HSPA13: variants seen among roughly 807,000 people sequenced by gnomAD.
The protein encoded by HSPA13 is heat shock protein family A (Hsp70) member 13.
A neutral mutation model predicts 38.8 loss-of-function variants in HSPA13; 29 were observed. The ratio of observed to expected loss-of-function variants is 0.75; its 90% CI spans 0.56 to 1.02. HSPA13 has a LOEUF of 1.02. Ranked by LOEUF, HSPA13 falls within the 50% of genes least tolerant of loss-of-function variation. HSPA13 has a pLI of 0.00. For synonymous variants in HSPA13, 192 were observed against 205.3 expected, an observed-to-expected ratio of 0.94 and a Z score of 0.56; for missense variants, 451 against 560.9, an observed-to-expected ratio of 0.80 and a Z score of 1.98.
In HSPA13 at chr21:14,373,967, C is replaced by A; in HGVS notation, c.1066G>T (p.Glu356Ter). 6.2e-7 allele frequency: 1 copy of A among 1,614,188 alleles called. No homozygotes were observed. Among genetic ancestry groups the A allele is most frequent in the Non-Finnish European group, 8.5e-7 (1 of 1,180,038 alleles). The change falls in exon 5 of 5, where the codon GAA becomes TAA. Residue 356 changes from glutamate (E) to a stop codon, truncating the protein, a stop_gained. Transcript: ENST00000285667. LOFTEE classifies it high-confidence loss of function. The part of the protein sequence containing the change: ...GRGLSDKKSG[E>*]SQVLFETEIS... ...TCTGTTTCAAATAAAACCTGACTTTCTCCACTTTTCTTATCAGAAAGGCCA... is the reference window on the plus strand; with the variant it reads ...TCTGTTTCAAATAAAACCTGACTTTATCCACTTTTCTTATCAGAAAGGCCA...
At chr21:14,382,017 A>T (rs2047103533) in intron 1 of HSPA13, among the ~76,000 whole-genome samples, 1 of 152,210 alleles carries the variant, frequency 6.6e-6, no homozygotes, top group Admixed American at 6.5e-5. Context: ...TAAGTCTAAA[A>T]TTCTCTCCTC....
chr21:14,373,552 G>C lies in HSPA13; in HGVS notation c.*65C>G. ...TTTAGAGACTTTCTTTTGTGGAAAAGGTAATCTGATAAATGGGAAGAGATC... is the reference window on the plus strand; with the variant it reads ...TTTAGAGACTTTCTTTTGTGGAAAACGTAATCTGATAAATGGGAAGAGATC... On this transcript the variant is annotated 3_prime_UTR_variant, in exon 5 of 5. Transcript: ENST00000285667. The C allele has an allele frequency of 1.5e-6, 2 of 1,342,216 alleles. No homozygotes were observed. The highest frequency in any genetic ancestry group is 1.4e-5 in the South Asian group (1 of 73,720). The allele number at this position is 1,342,216 out of a possible 1,614,324, so 83.1% of individuals were successfully genotyped here.
chr21:14,375,884 T>A, intron 3 of HSPA13, 65 bp from the exon 4 acceptor site: 1 of 1,312,400 alleles, frequency 7.6e-7, no homozygotes, highest in Non-Finnish European at 1.1e-6. Flanking sequence ...TCTTCCCACT[T>A]ACAGCATGTT....
rs1982900535 is a variant in HSPA13, at chr21:14,374,295, A to C, written c.749-11T>G. The stretch of plus-strand genomic sequence containing the variant: ...CAAGTTTATTGTTTCCTGAGTGAAA[A>C]ATAAAAGTTTAATATAGTTATGCAT... On this transcript the variant is annotated splice_polypyrimidine_tract_variant and intron_variant, in intron 4 of 4. Coordinates refer to ENST00000285667, the MANE Select transcript of HSPA13 (RefSeq NM_006948.5). The C allele has an allele frequency of 6.3e-7, 1 of 1,596,072 alleles. No homozygotes were observed. The highest frequency in any genetic ancestry group is 8.5e-7 in the Non-Finnish European group (1 of 1,173,708).
In HSPA13 at chr21:14,372,388, C is replaced by T. The variant is rs1414024649; in HGVS notation, c.*1229G>A. 2 of 151,874 alleles carry T rather than the reference C, an allele frequency of 1.3e-5. No homozygotes were observed. Among genetic ancestry groups the T allele is most frequent in the Non-Finnish European group, 2.9e-5 (2 of 67,900 alleles). 9.4% of individuals were successfully genotyped at this position (151,874 alleles called of 1,614,324 possible). ...ACTGTTATATTTTCTTTCTTGGTCC[C>T]TGTGGTTTTTCTTAAAGGAAACAAA... On this transcript the variant is annotated 3_prime_UTR_variant, in exon 5 of 5. Transcript: ENST00000285667.
chr21:14,373,097 A>C lies in HSPA13; in HGVS notation c.*520T>G, dbSNP rs1982865776. ...ATGTAAATTTGTTATATAATATGGC[A>C]GTTACTGAATATTACGTATGCAGCT... On this transcript the variant is annotated 3_prime_UTR_variant, in exon 5 of 5. Coordinates refer to ENST00000285667, the MANE Select transcript of HSPA13 (RefSeq NM_006948.5). 1 of 152,842 alleles carries C rather than the reference A, an allele frequency of 6.5e-6. No individual in the cohort carries two copies. Among genetic ancestry groups the C allele is most frequent in the African/African-American group, 2.4e-5 (1 of 41,476 alleles). 9.5% of individuals were successfully genotyped at this position (152,842 alleles called of 1,614,324 possible).
At chr21:14,374,345 G>C in intron 4 of HSPA13, 61 bp from the exon 5 acceptor site, 1 of 1,153,386 alleles carries the variant, frequency 8.7e-7, no homozygotes, top group Non-Finnish European at 1.2e-6. Context: ...ATACACGTAT[G>C]TTATTATGTA....
At chr21:14,378,477 T>C (rs995091976) in intron 2 of HSPA13, 65 bp from the exon 3 acceptor site, 1 of 968,202 alleles carries the variant, frequency 1.0e-6, no homozygotes, top group Non-Finnish European at 1.6e-6. Flanking sequence ...CATACATATA[T>C]ACATAAATAC....
Position 14,383,087 on chromosome 21 carries a change from G to T in HSPA13, c.25+8C>A. On this transcript the variant is annotated splice_region_variant and intron_variant, in intron 1 of 4. Transcript: ENST00000285667. ...CCGCAAGAGCAACAAGGACCCCCGG[G>T]AACCCACCTAAGATCGTCATCTCTC... 2 of 1,614,040 alleles carry T rather than the reference G, an allele frequency of 1.2e-6. No homozygotes were observed. Among genetic ancestry groups the T allele is most frequent in the Non-Finnish European group, 1.7e-6 (2 of 1,179,984 alleles).
Position 14,374,067 on chromosome 21 carries a change from G to A in HSPA13, c.966C>T (p.His322=), listed in dbSNP as rs895757554. ...TVEEQDRKEP[H]SSDTELPKDK... ...CTTTTGGCAGTTCAGTGTCACTACT[G>A]TGAGGTTCCTTCCTGTCCTGCTCCT... Residue 322 remains histidine, a synonymous_variant, in exon 5 of 5, where the codon CAC becomes CAT. Coordinates refer to ENST00000285667, the MANE Select transcript of HSPA13 (RefSeq NM_006948.5). The A allele has an allele frequency of 6.2e-7, 1 of 1,614,170 alleles. No individual in the cohort carries two copies. The highest frequency in any genetic ancestry group is 8.5e-7 in the Non-Finnish European group (1 of 1,180,018).
rs148792758 is a variant in HSPA13 at position 14,374,041 on chromosome 21, T to A, written c.992A>T (p.Asp331Val). The A allele has an allele frequency of 5.3e-5, 86 of 1,614,092 alleles. No individual in the cohort carries two copies. Among genetic ancestry groups the A allele is most frequent in the Admixed American group, 8.3e-5 (5 of 59,998 alleles). The change falls in exon 5 of 5, where the codon GAC becomes GTC. Residue 331 changes from aspartate to valine, a missense_variant. Coordinates refer to ENST00000285667, the MANE Select transcript of HSPA13 (RefSeq NM_006948.5). ...ATGGTCATCTGCTGAGGAAAGTTTG[T>A]CTTTTGGCAGTTCAGTGTCACTACT... ...PHSSDTELPK[D>V]KLSSADDHRV... is the part of the protein sequence containing the mutation.
chr21:14,375,966 A>C (rs1984010062), intron 3 of HSPA13, 147 bp from the exon 4 acceptor site: 2 of 577,514 alleles, frequency 3.5e-6, no homozygotes, highest in Non-Finnish European at 6.2e-6. Flanking sequence ...AGAAGCATGA[A>C]ATGGGAACAG....
chr21:14,374,978 A>G (rs1983983647), intron 4 of HSPA13, among the ~76,000 whole-genome samples: 1 of 152,132 alleles, frequency 6.6e-6, no homozygotes, highest in Admixed American at 6.5e-5. Flanking sequence ...GAAAAAGAGA[A>G]AAAAAAATGC....
chr21:14,375,774 A>G lies in HSPA13; in HGVS notation c.626T>C (p.Met209Thr), dbSNP rs777605813. 5 of 1,614,136 alleles carry G rather than the reference A, an allele frequency of 3.1e-6. No individual in the cohort carries two copies. Among genetic ancestry groups the G allele is most frequent in the South Asian group, 1.1e-5 (1 of 91,086 alleles). ...RVINEPTAAA[M>T]AYGLHKADVF... ...GTCAGCCTTGTGGAGACCATAGGCC[A>G]TAGCTGCTGCTGTGGGTTCATTTAT... Residue 209 changes from methionine to threonine, a missense_variant, in exon 4 of 5, where the codon ATG becomes ACG. Coordinates refer to ENST00000285667, the MANE Select transcript of HSPA13 (RefSeq NM_006948.5).
chr21:14,377,136 G>T (rs1825737618), intron 3 of HSPA13, among the ~76,000 whole-genome samples: 1 of 152,198 alleles, frequency 6.6e-6, no homozygotes, highest in East Asian at 1.9e-4. Context: ...CCACAATAAA[G>T]AATTATCTGG....
chr21:14,375,600 G>A (rs1447050857), intron 4 of HSPA13, 52 bp downstream of exon 4: 2 of 1,540,464 alleles, frequency 1.3e-6, no homozygotes, highest in East Asian at 2.3e-5. Context: ...CCAAAGTGCT[G>A]GGATTACAGG....
chr21:14,375,592 A>C, intron 4 of HSPA13, 60 bp downstream of exon 4: 1 of 1,490,856 alleles, frequency 6.7e-7, no homozygotes, highest in African/African-American at 1.4e-5. Context: ...TCGGCCTCCC[A>C]AAGTGCTGGG....
At chr21:14,382,498 CTAAT>C (rs1224491150) in intron 1 of HSPA13, among the ~76,000 whole-genome samples, 1 of 152,046 alleles carries the variant, frequency 6.6e-6, no homozygotes, top group Non-Finnish European at 1.5e-5. Flanking sequence ...CTCTGTGTTA[CTAAT>C]TGTTAGCTCA....
chr21:14,375,887 A>AT, intron 3 of HSPA13, 68 bp from the exon 4 acceptor site: 1 of 1,298,210 alleles, frequency 7.7e-7, no homozygotes, highest in Non-Finnish European at 1.1e-6. Context: ...TCCCACTTAC[A>AT]GCATGTTTGT....
Sources: gnomAD v4.1 joint callset for allele counts (sites outside exome capture counted in the v4.1 genomes callset) on GRCh38, gnomAD v4.1.1 for gene constraint, MANE v1.5 for transcripts, NCBI Gene and HGNC (gene_info 2026-07-23, HGNC 2026-07-21) for gene names.